The following CDK5RAP2 variants were observed in gnomAD, a reference collection of about 807,000 sequenced individuals.
CDK5RAP2 encodes CDK5 regulatory subunit-associated protein 2.
Under a neutral mutation model 232.9 loss-of-function variants are expected in CDK5RAP2, and 147 were observed. The observed-to-expected ratio is 0.63, with a 90% CI of 0.55 to 0.72. The LOEUF (loss-of-function observed/expected upper bound fraction) is 0.72. Ranked by LOEUF, CDK5RAP2 falls within the 30% of genes least tolerant of loss-of-function variation. The pLI is 0.00. For missense variants in CDK5RAP2, 2,195 were observed against 2,231.5 expected (o/e 0.98, Z 0.33); for synonymous variants, 833 against 833.7 (o/e 1.00, Z 0.01).
At chr9:120,539,009 A>G (rs1385691780) in intron 6 of CDK5RAP2, 32 bp downstream of exon 6, 2 of 1,612,252 alleles carry the variant, frequency 1.2e-6, no homozygotes, top group Non-Finnish European at 8.5e-7. Context: ...CCACTATAAG[A>G]AATACACTGC....
intron 32 of CDK5RAP2, among the ~76,000 whole-genome samples, chr9:120,405,560 G>A (rs933517651): frequency 6.6e-6 from 1 of 152,162 alleles, no homozygotes; most frequent in Admixed American, 6.5e-5. Context: ...AAAGGGCCAG[G>A]TGCAGACCCG....
At chr9:120,510,453 T>C (rs2040025141) in intron 12 of CDK5RAP2, among the ~76,000 whole-genome samples, 2 of 152,102 alleles carry the variant, frequency 1.3e-5, no homozygotes, top group South Asian at 4.1e-4. Flanking sequence ...AAAAAAACCT[T>C]AGCTTGCTTC....
chr9:120,413,834 G>GGGAGGAGGGAA lies in CDK5RAP2; in HGVS notation c.4297+1195_4297+1205dup, dbSNP rs1228324748. Among the ~76,000 whole-genome samples, 92 of 148,954 alleles carry GGGAGGAGGGAA rather than the reference G, an allele frequency of 6.2e-4. 1 individual carries two copies. Among genetic ancestry groups the GGGAGGAGGGAA allele is most frequent in the South Asian group, 1.7e-3 (8 of 4,730 alleles). ...AGGAGGGAGGAGGGAGGAGGGAGGA[G>GGGAGGAGGGAA]GGAGGAGGGAAGGAGGAGGGAGGGA... On this transcript the variant is annotated intron_variant, in intron 28 of 37. Transcript: ENST00000349780.
Position 120,477,386 on chromosome 9 carries a change from T to A in CDK5RAP2, c.1691A>T (p.Tyr564Phe). The A allele has an allele frequency of 6.2e-7, 1 of 1,614,006 alleles. No individual in the cohort carries two copies. Among genetic ancestry groups the A allele is most frequent in the South Asian group, 1.1e-5 (1 of 91,082 alleles). ...CTGCAGAGATTTGACCAGATGGGTA[T>A]AGATGTCCTGCTCTTTCTTTAAGAC... ...IQVLKKEQDI[Y>F]THLVKSLQES... The change falls in exon 15 of 38, where the codon TAT (tyrosine) becomes TTT (phenylalanine). Residue 564 changes from tyrosine (Y) to phenylalanine (F), a missense_variant. Coordinates refer to ENST00000349780, the MANE Select transcript of CDK5RAP2 (RefSeq NM_018249.6).
At chr9:120,436,669 G>A (rs1363250165) in intron 25 of CDK5RAP2, among the ~76,000 whole-genome samples, 5 of 152,086 alleles carry the variant, frequency 3.3e-5, no homozygotes, top group Admixed American at 2.0e-4. Flanking sequence ...AATAGAGCGC[G>A]TGTGTGTACA....
intron 5 of CDK5RAP2, among the ~76,000 whole-genome samples, chr9:120,544,033 G>A (rs1283241928): frequency 6.6e-6 from 1 of 152,056 alleles, no homozygotes; most frequent in East Asian, 1.9e-4. Context: ...ATATCCCCAG[G>A]AACCTAGTCC....
intron 16 of CDK5RAP2, among the ~76,000 whole-genome samples, chr9:120,471,051 A>G (rs1035762703): frequency 6.6e-6 from 1 of 152,232 alleles, no homozygotes. Flanking sequence ...GACTGTGAGG[A>G]TCACAGGTGA....
chr9:120,557,859 G>T (rs1346195665), intron 3 of CDK5RAP2, among the ~76,000 whole-genome samples: 1 of 149,068 alleles, frequency 6.7e-6, no homozygotes, highest in Non-Finnish European at 1.5e-5. Context: ...CCGCCTTCCG[G>T]GTTCAAGCGA....
At chr9:120,572,712 C>T (rs1348161439) in intron 1 of CDK5RAP2, among the ~76,000 whole-genome samples, 1 of 152,194 alleles carries the variant, frequency 6.6e-6, no homozygotes, top group Non-Finnish European at 1.5e-5. Flanking sequence ...TGCCATGTAT[C>T]TCTCTGAGCC....
At chr9:120,536,221 C>CT (rs2041378518) in intron 7 of CDK5RAP2, 151 bp downstream of exon 7, 1 of 750,180 alleles carries the variant, frequency 1.3e-6, no homozygotes, top group Non-Finnish European at 2.2e-6. Flanking sequence ...AGTTTTCTAT[C>CT]TAACTGTGTT....
At chr9:120,413,668 T>C (rs1723743424) in intron 28 of CDK5RAP2, among the ~76,000 whole-genome samples, 1 of 152,208 alleles carries the variant, frequency 6.6e-6, no homozygotes, top group Admixed American at 6.5e-5. Context: ...ACAGAATGAA[T>C]CTAATTCAGG....
chr9:120,447,369 A>G (rs977765026), intron 22 of CDK5RAP2, among the ~76,000 whole-genome samples: 2 of 152,184 alleles, frequency 1.3e-5, no homozygotes, highest in African/African-American at 4.8e-5. Flanking sequence ...TCTGGATCCT[A>G]ACTATTCAGG....
intron 8 of CDK5RAP2, chr9:120,529,004 C>T: frequency 1.6e-6 from 1 of 606,628 alleles, no homozygotes. Flanking sequence ...ACAACCTACC[C>T]TGGTTGATCA....
chr9:120,520,173 G>C lies in CDK5RAP2; in HGVS notation c.1093-1528C>G, dbSNP rs146348702. On this transcript the variant is annotated intron_variant, in intron 11 of 37. Transcript: ENST00000349780. ...GTTTACCAGCATTCTACTAAAAATA[G>C]CATATATACAGAAAGGTACACAAAT... 7.2e-5 allele frequency among the ~76,000 whole-genome samples: 11 copies of C among 152,046 alleles called. 1 individual carries two copies. The highest frequency in any genetic ancestry group is 1.9e-4 in the African/African-American group (8 of 41,464).
At chr9:120,561,632 C>A (rs1361199802) in intron 3 of CDK5RAP2, among the ~76,000 whole-genome samples, 2 of 142,992 alleles carry the variant, frequency 1.4e-5, no homozygotes, top group African/African-American at 5.1e-5. Flanking sequence ...GAATCTCAAA[C>A]ACCAGTTGGA....
intron 13 of CDK5RAP2, among the ~76,000 whole-genome samples, chr9:120,491,088 G>A (rs951127789): frequency 2.0e-5 from 3 of 152,102 alleles, no homozygotes; most frequent in Non-Finnish European, 2.9e-5. Flanking sequence ...CTATTTAGTC[G>A]TCATATGACC....
At chr9:120,408,946 C>T (rs2033666954) in intron 30 of CDK5RAP2, among the ~76,000 whole-genome samples, 181 bp downstream of exon 30, 2 of 152,264 alleles carry the variant, frequency 1.3e-5, no homozygotes, top group South Asian at 4.1e-4. Flanking sequence ...ACTGCCAAGC[C>T]CTCTCCTCCT....
intron 35 of CDK5RAP2, among the ~76,000 whole-genome samples, chr9:120,394,941 G>A (rs924536940): frequency 2.6e-5 from 4 of 152,192 alleles, no homozygotes; most frequent in Admixed American, 1.3e-4. Flanking sequence ...AATTCTACAC[G>A]CTGGCATTTC....
rs147693474 is a variant in CDK5RAP2 at position 120,400,891 on chromosome 9, C to A, written c.5308-6G>T. The A allele has an allele frequency of 1.2e-4, 188 of 1,614,050 alleles. 1 individual carries two copies. In the African/African-American group the frequency reaches 2.3e-3, roughly 20 times the overall value. On this transcript the variant is annotated splice_polypyrimidine_tract_variant and splice_region_variant and intron_variant, in intron 34 of 37. Transcript: ENST00000349780. ...AGTGGTGCTGGGTGTGGACCCTACACGGGGGATATGAAGGCTGTTACGTGC... is the reference window on the plus strand; with the variant it reads ...AGTGGTGCTGGGTGTGGACCCTACAAGGGGGATATGAAGGCTGTTACGTGC...
Sources: gnomAD v4.1 joint callset for allele counts (sites outside exome capture counted in the v4.1 genomes callset) on GRCh38, gnomAD v4.1.1 for gene constraint, MANE v1.5 for transcripts, NCBI Gene and HGNC (gene_info 2026-07-23, HGNC 2026-07-21) for gene names.